The following P3H2 variants were observed in gnomAD, a reference collection of about 807,000 sequenced individuals.
P3H2 encodes the protein prolyl 3-hydroxylase 2, also known as leprecan-like 1.
In P3H2, 80 loss-of-function variants were observed where a neutral mutation model predicts 87.0. The ratio of observed to expected loss-of-function variants is 0.92; its 90% CI spans 0.77 to 1.11. P3H2 has a LOEUF of 1.11. Among genes scored for constraint, P3H2 ranks in the 50% least tolerant of loss-of-function variants. The pLI is 0.00. For missense variants in P3H2, 1,001 were observed against 923.9 expected (o/e 1.08, Z -1.08); for synonymous variants, 367 against 359.3 (o/e 1.02, Z -0.24).
In P3H2 at chr3:190,023,132, T is replaced by C. The variant is rs1358009903; in HGVS notation, c.481-27690A>G. Among the ~76,000 whole-genome samples, 3 of 152,252 alleles carry C rather than the reference T, an allele frequency of 2.0e-5. No individual in the cohort carries two copies. The Middle Eastern group carries it at 0.01, about 518-fold the overall frequency. ...TGAGCCACCACGCCCAGCCAAAATATATACATATAGTTCTAACAAGTTCCC... is the reference window on the plus strand; with the variant it reads ...TGAGCCACCACGCCCAGCCAAAATACATACATATAGTTCTAACAAGTTCCC... On this transcript the variant is annotated intron_variant, in intron 1 of 14. Transcript: ENST00000319332.
intron 1 of P3H2, among the ~76,000 whole-genome samples, chr3:190,016,760 C>G (rs7618951): frequency 0.24 from 36,357 of 152,170 alleles, 4,430 homozygotes; most frequent in Non-Finnish European, 0.26. Flanking sequence ...CTGGTACTTG[C>G]ATCTTCTGCA....
At chr3:190,113,814 G>A (rs111436000) in intron 1 of P3H2, among the ~76,000 whole-genome samples, 22,199 of 152,010 alleles carry the variant, frequency 0.15, 1,814 homozygotes, top group Middle Eastern at 0.22. Flanking sequence ...GCAGTGGCTC[G>A]CGCCTGTAAT....
rs1723155903 is a variant in P3H2, at chr3:189,970,846, T to C, written c.1863A>G (p.Ile621Met). 1 of 1,591,884 alleles carries C rather than the reference T, an allele frequency of 6.3e-7. No homozygotes were observed. The highest frequency in any genetic ancestry group is 1.7e-5 in the Admixed American group (1 of 59,984). Residue 621 changes from isoleucine to methionine, a missense_variant, in exon 13 of 15, where the codon ATA becomes ATG. Ile to Met is a conservative substitution (Grantham distance 10, BLOSUM62 1). Coordinates refer to ENST00000319332, the MANE Select transcript of P3H2 (RefSeq NM_018192.4). Reference sequence around the variant, plus strand: ...CAGTCTTAGCATCCATCTCTGTGAATATGAATTCTCCTCCTTCAAAGTCAT... The same window carrying C: ...CAGTCTTAGCATCCATCTCTGTGAACATGAATTCTCCTCCTTCAAAGTCAT... The part of the protein sequence containing the change: ...MNDDFEGGEF[I>M]FTEMDAKTVT...
rs984778928 is a variant in P3H2, at chr3:190,002,946, T to TGTTA, written c.481-7508_481-7505dup. On this transcript the variant is annotated intron_variant, in intron 1 of 14. Transcript: ENST00000319332. Reference sequence around the variant, plus strand: ...AAAATTTCTAGCTTTGAAGAACACATGTTAATTCACAAGTTAGGTGGCCAT... The same window carrying TGTTA: ...AAAATTTCTAGCTTTGAAGAACACATGTTAGTTAATTCACAAGTTAGGTGGCCAT... Among the ~76,000 whole-genome samples, 72 of 152,354 alleles carry TGTTA rather than the reference T, an allele frequency of 4.7e-4. 1 individual carries two copies. Among genetic ancestry groups the TGTTA allele is most frequent in the African/African-American group, 1.6e-3 (68 of 41,576 alleles).
At chr3:190,009,805 G>A (rs189828840) in intron 1 of P3H2, among the ~76,000 whole-genome samples, 1 of 152,278 alleles carries the variant, frequency 6.6e-6, no homozygotes, top group East Asian at 1.9e-4. Context: ...TGAGGCACTA[G>A]AGGAAATCTC....
chr3:189,959,899 T>C (rs542340528), intron 14 of P3H2, among the ~76,000 whole-genome samples: 102 of 100,824 alleles, frequency 1.0e-3, no homozygotes, highest in Non-Finnish European at 2.1e-3. Context: ...TGTGTGTGTG[T>C]GTGTGTGTGT....
At chr3:190,003,802 T>G (rs9290915) in intron 1 of P3H2, among the ~76,000 whole-genome samples, 57,100 of 152,074 alleles carry the variant, frequency 0.38, 11,630 homozygotes, top group East Asian at 0.49. Flanking sequence ...CTCTGCAGTG[T>G]TTGTCCAGCA....
At chr3:190,097,268 G>T (rs534068302) in intron 1 of P3H2, among the ~76,000 whole-genome samples, 1 of 151,984 alleles carries the variant, frequency 6.6e-6, no homozygotes, top group South Asian at 2.1e-4. Flanking sequence ...GACTCTCACA[G>T]ATGTGATGCA....
intron 1 of P3H2, among the ~76,000 whole-genome samples, chr3:190,007,965 C>CATATATATATATATATATATATATATAT (rs1553875103): frequency 5.3e-5 from 5 of 94,344 alleles, no homozygotes; most frequent in South Asian, 4.1e-4. Flanking sequence ...TGTTGACACA[C>CATATATATATATATATATATATATATAT]ATATATATAT....
intron 1 of P3H2, among the ~76,000 whole-genome samples, chr3:190,003,495 TAAAAAAA>T (rs5855293): frequency 6.8e-6 from 1 of 146,012 alleles, no homozygotes; most frequent in Non-Finnish European, 1.5e-5. Flanking sequence ...CCCTTGATGT[TAAAAAAA>T]AAAAAAAAAC....
At chr3:190,098,022 A>G (rs1430031840) in intron 1 of P3H2, among the ~76,000 whole-genome samples, 1 of 152,208 alleles carries the variant, frequency 6.6e-6, no homozygotes, top group East Asian at 1.9e-4. Flanking sequence ...AAAAATAAGC[A>G]ATTACTGTGG....
chr3:190,064,704 A>G (rs544245353), intron 1 of P3H2, among the ~76,000 whole-genome samples: 1 of 152,288 alleles, frequency 6.6e-6, no homozygotes, highest in South Asian at 2.1e-4. Context: ...ATTTATAATA[A>G]CAAAGATGTC....
chr3:190,078,589 T>C (rs922277313), intron 1 of P3H2, among the ~76,000 whole-genome samples: 2 of 152,122 alleles, frequency 1.3e-5, no homozygotes, highest in Non-Finnish European at 2.9e-5. Flanking sequence ...CAACGAGCTA[T>C]AATAGCCCCA....
chr3:189,964,278 C>A (rs1051356319), intron 13 of P3H2, among the ~76,000 whole-genome samples, 180 bp from the exon 14 acceptor site: 1 of 152,100 alleles, frequency 6.6e-6, no homozygotes, highest in African/African-American at 2.4e-5. Flanking sequence ...AAGGTAAGGT[C>A]AAAATAATAT....
chr3:190,003,209 T>C (rs533433774), intron 1 of P3H2, among the ~76,000 whole-genome samples: 127 of 152,320 alleles, frequency 8.3e-4, no homozygotes, highest in Middle Eastern at 3.4e-3. Flanking sequence ...CAATTACTTA[T>C]GGTCCTGATT....
chr3:190,009,667 T>G (rs1218325476), intron 1 of P3H2, among the ~76,000 whole-genome samples: 1 of 152,214 alleles, frequency 6.6e-6, no homozygotes, highest in Non-Finnish European at 1.5e-5. Context: ...TTTAGCCAAG[T>G]CATTAAAATG....
At chr3:189,984,732 T>C (rs1723640076) in intron 6 of P3H2, 142 bp from the exon 7 acceptor site, 2 of 587,838 alleles carry the variant, frequency 3.4e-6, no homozygotes, top group Admixed American at 6.0e-5. Context: ...AAAGATACAA[T>C]ATATTTATAT....
chr3:190,121,076 G>T (rs1297979317), upstream of P3H2: 8 of 321,826 alleles, frequency 2.5e-5, no homozygotes, highest in South Asian at 5.9e-5. Context: ...GGCCGGGGAC[G>T]AGGCGCTTTA....
intron 1 of P3H2, among the ~76,000 whole-genome samples, chr3:190,042,378 T>C (rs905772228): frequency 1.2e-4 from 18 of 152,310 alleles, no homozygotes; most frequent in South Asian, 4.1e-4. Flanking sequence ...GTTTACTCTG[T>C]GTGTCCTTGG....
Sources: gnomAD v4.1 joint callset for allele counts (sites outside exome capture counted in the v4.1 genomes callset) on GRCh38, gnomAD v4.1.1 for gene constraint, MANE v1.5 for transcripts, NCBI Gene and HGNC (gene_info 2026-07-23, HGNC 2026-07-21) for gene names.